RNGTT: variants seen among roughly 807,000 people sequenced by gnomAD.
RNGTT encodes the protein mRNA-capping enzyme.
A neutral mutation model predicts 79.3 loss-of-function variants in RNGTT; 33 were observed. The ratio of observed to expected loss-of-function variants is 0.42; its 90% CI spans 0.32 to 0.56. The LOEUF is 0.56. Among genes scored for constraint, RNGTT ranks in the 20% least tolerant of loss-of-function variants. The pLI is 0.17. For missense variants in RNGTT, 497 were observed against 739.1 expected, an observed-to-expected ratio of 0.67 and a Z score of 3.80; for synonymous variants, 222 against 235.9, an observed-to-expected ratio of 0.94 and a Z score of 0.54.
At chr6:88,852,237 A>G (rs1001854812) in intron 9 of RNGTT, among the ~76,000 whole-genome samples, 1 of 152,066 alleles carries the variant, frequency 6.6e-6, no homozygotes, top group African/African-American at 2.4e-5. Context: ...CCTTCTCCTC[A>G]ACCCTCTAAG....
intron 14 of RNGTT, among the ~76,000 whole-genome samples, chr6:88,658,794 G>A (rs537862657): frequency 1.2e-4 from 19 of 152,324 alleles, no homozygotes; most frequent in Non-Finnish European, 2.9e-5. Flanking sequence ...TGTTTCTCCT[G>A]TGCTGGATGC....
At position 88,904,581 on chromosome 6, in the gene RNGTT, T is replaced by C. The variant is rs1783585761; in HGVS notation, c.684+134A>G. The C allele has an allele frequency of 3.6e-6, 4 of 1,113,766 alleles. No individual in the cohort carries two copies. The South Asian group carries it at 8.0e-5, about 22-fold the overall frequency. The allele number at this position is 1,113,766 out of a possible 1,614,324, so 69.0% of individuals were successfully genotyped here. On this transcript the variant is annotated intron_variant, in intron 6 of 15. Coordinates refer to ENST00000369485, the MANE Select transcript of RNGTT (RefSeq NM_003800.5). ...TCTCTCCAAAAAAAAAAAATTTTTT[T>C]TTTAGAAAGGGCTAGGATGAATCAT...
intron 14 of RNGTT, among the ~76,000 whole-genome samples, chr6:88,616,818 A>G (rs1283352255): frequency 6.6e-6 from 1 of 152,120 alleles, no homozygotes; most frequent in Non-Finnish European, 1.5e-5. Flanking sequence ...ATTTGCAATT[A>G]TTTTCTCCCA....
intron 13 of RNGTT, among the ~76,000 whole-genome samples, chr6:88,710,698 CA>C (rs1221084303): frequency 6.6e-6 from 1 of 151,846 alleles, no homozygotes; most frequent in Admixed American, 6.6e-5. Context: ...TCCTATTGTA[CA>C]AATGTAAGGA....
intron 4 of RNGTT, among the ~76,000 whole-genome samples, chr6:88,917,814 G>A (rs1056811809): frequency 1.3e-5 from 2 of 152,148 alleles, no homozygotes; most frequent in Non-Finnish European, 1.5e-5. Context: ...GTGAGCCCAG[G>A]AGGCAGAGAT....
chr6:88,937,255 AG>A, intron 2 of RNGTT, among the ~76,000 whole-genome samples: 1 of 152,128 alleles, frequency 6.6e-6, no homozygotes, highest in Non-Finnish European at 1.5e-5. Context: ...CTGAAGTAGA[AG>A]AATCACTTGA....
intron 13 of RNGTT, among the ~76,000 whole-genome samples, chr6:88,747,287 G>C (rs548600384): frequency 2.6e-5 from 4 of 152,086 alleles, no homozygotes; most frequent in African/African-American, 7.2e-5. Flanking sequence ...ATCTCAAATG[G>C]CTGTGAACAA....
intron 13 of RNGTT, among the ~76,000 whole-genome samples, chr6:88,698,237 T>C (rs1303790346): frequency 9.0e-6 from 1 of 111,652 alleles, no homozygotes; most frequent in Non-Finnish European, 1.6e-5. Context: ...ATATATGAAA[T>C]ATATATATGA....
intron 4 of RNGTT, among the ~76,000 whole-genome samples, chr6:88,927,510 T>A (rs1262649818): frequency 1.3e-5 from 2 of 151,808 alleles, no homozygotes; most frequent in Non-Finnish European, 2.9e-5. Context: ...TAAAAATACA[T>A]AATTAGCCGG....
chr6:88,650,269 A>G (rs975954286), intron 14 of RNGTT, among the ~76,000 whole-genome samples: 2 of 152,170 alleles, frequency 1.3e-5, no homozygotes, highest in African/African-American at 4.8e-5. Flanking sequence ...TACTTCATTC[A>G]TTCTTTTGCT....
At chr6:88,635,848 T>A (rs1033376848) in intron 14 of RNGTT, among the ~76,000 whole-genome samples, 1 of 151,890 alleles carries the variant, frequency 6.6e-6, no homozygotes, top group African/African-American at 2.4e-5. Flanking sequence ...ATCACTCCTA[T>A]GATAAACTAG....
At chr6:88,656,348 T>C (rs754853137) in intron 14 of RNGTT, among the ~76,000 whole-genome samples, 3 of 152,204 alleles carry the variant, frequency 2.0e-5, no homozygotes, top group African/African-American at 4.8e-5. Flanking sequence ...ATGTCCTTTC[T>C]TACTCCATGT....
At chr6:88,843,286 A>C (rs1381470117) in intron 11 of RNGTT, among the ~76,000 whole-genome samples, 1 of 152,044 alleles carries the variant, frequency 6.6e-6, no homozygotes, top group Non-Finnish European at 1.5e-5. Flanking sequence ...AATTCTACTT[A>C]CCCTGAAGAA....
At chr6:88,725,582 T>C (rs1036544315) in intron 13 of RNGTT, among the ~76,000 whole-genome samples, 3 of 151,338 alleles carry the variant, frequency 2.0e-5, no homozygotes, top group African/African-American at 4.9e-5. Flanking sequence ...CAGGAGGGGG[T>C]TGAAACTCAG....
intron 8 of RNGTT, among the ~76,000 whole-genome samples, chr6:88,867,023 T>C (rs1782196742): frequency 1.3e-5 from 2 of 152,334 alleles, no homozygotes; most frequent in South Asian, 2.1e-4. Flanking sequence ...TAGCATCTCC[T>C]GGAAACTTGT....
At position 88,700,108 on chromosome 6, in the gene RNGTT, T is replaced by C. The variant is rs554527856; in HGVS notation, c.1440-21689A>G. ...GACAGAAAAAAGGTGGTTAAAATGG[T>C]AAATTTCATGGTTCACGGATCTTAT... On this transcript the variant is annotated intron_variant, in intron 13 of 15. Transcript: ENST00000369485. Among the ~76,000 whole-genome samples, 5 of 152,264 alleles carry C rather than the reference T, an allele frequency of 3.3e-5. No homozygotes were observed. In the South Asian group the frequency reaches 8.3e-4, roughly 25 times the overall value.
rs570452806 is a variant in RNGTT at position 88,617,451 on chromosome 6, C to A, written c.1507-3056G>T. Among the ~76,000 whole-genome samples the A allele has an allele frequency of 4.6e-5, 7 of 152,280 alleles. No individual in the cohort carries two copies. The South Asian group carries it at 1.5e-3, about 32-fold the overall frequency. ...GTTGAAGATATTGATTGTCCCTTCC[C>A]ATTGTGTAGTATTGGCGCCCTTGTG... On this transcript the variant is annotated intron_variant, in intron 14 of 15. Coordinates refer to ENST00000369485, the MANE Select transcript of RNGTT (RefSeq NM_003800.5).
intron 12 of RNGTT, among the ~76,000 whole-genome samples, chr6:88,786,338 A>C (rs1470094509): frequency 6.6e-6 from 1 of 152,220 alleles, no homozygotes; most frequent in Admixed American, 6.5e-5. Context: ...CTAGTAAACA[A>C]ATAAGATTTC....
chr6:88,630,617 G>GATAT (rs1262600840), intron 14 of RNGTT, among the ~76,000 whole-genome samples: 1 of 152,068 alleles, frequency 6.6e-6, no homozygotes, highest in Non-Finnish European at 1.5e-5. Context: ...AATTAATCCT[G>GATAT]ATATATGAGC....
Sources: allele counts gnomAD v4.1 joint callset (sites outside exome capture counted in the v4.1 genomes callset), GRCh38; gene constraint gnomAD v4.1.1; transcripts MANE v1.5; gene names NCBI Gene and HGNC (gene_info 2026-07-23, HGNC 2026-07-21).